The following R3HDM4 variants were observed in gnomAD, a reference collection of about 807,000 sequenced individuals.
The protein encoded by R3HDM4 is R3H domain-containing protein 4.
R3HDM4 carries 30 observed loss-of-function variants against 31.3 expected under a neutral mutation model. That is an observed-to-expected ratio of 0.96 (90% CI 0.72 to 1.30). The LOEUF (loss-of-function observed/expected upper bound fraction) is 1.30. R3HDM4 is among the 50% of genes most tolerant of loss of function. The pLI is 0.00. For synonymous variants in R3HDM4, 196 were observed against 156.6 expected, an observed-to-expected ratio of 1.25 and a Z score of -1.88; for missense variants, 444 against 366.1, an observed-to-expected ratio of 1.21 and a Z score of -1.74.
At chr19:903,110 G>A (rs2036857391) in intron 1 of R3HDM4, among the ~76,000 whole-genome samples, 1 of 152,102 alleles carries the variant, frequency 6.6e-6, no homozygotes, top group Non-Finnish European at 1.5e-5. Flanking sequence ...ACAGCCTTTG[G>A]GACGTGAACA....
chr19:898,265 C>T (rs1599355284), intron 7 of R3HDM4, among the ~76,000 whole-genome samples: 1 of 116,412 alleles, frequency 8.6e-6, no homozygotes, highest in Admixed American at 9.7e-5. Context: ...ATTAGCAGGG[C>T]GTGGTGGCGG....
chr19:911,860 T>A (rs2036974863), intron 1 of R3HDM4, among the ~76,000 whole-genome samples: 1 of 151,728 alleles, frequency 6.6e-6, no homozygotes, highest in Non-Finnish European at 1.5e-5. Context: ...TTGTAGGGAT[T>A]TACCCAAAGG....
At chr19:912,365 CG>C in intron 1 of R3HDM4, among the ~76,000 whole-genome samples, 1 of 6,618 alleles carries the variant, frequency 1.5e-4, no homozygotes. Context: ...GGGGCGGGCC[CG>C]GGAGTGGGGG....
chr19:909,390 C>A (rs1599363430), intron 1 of R3HDM4, among the ~76,000 whole-genome samples: 1 of 152,140 alleles, frequency 6.6e-6, no homozygotes, highest in Non-Finnish European at 1.5e-5. Flanking sequence ...CCCCAGCAGT[C>A]CCCAACCCCC....
At position 900,277 on chromosome 19, in the gene R3HDM4, C is replaced by T. The variant is rs986816861; in HGVS notation, c.476-131G>A. The T allele has an allele frequency of 1.7e-5, 11 of 647,896 alleles. No individual in the cohort carries two copies. In the East Asian group the frequency reaches 3.3e-4, roughly 20 times the overall value. 40.1% of individuals were successfully genotyped at this position (647,896 alleles called of 1,614,324 possible). A position where few individuals can be genotyped will look rare whatever the true frequency, so the allele number is the denominator to read the frequency against. On this transcript the variant is annotated intron_variant, in intron 4 of 7. Transcript: ENST00000361574. ...GCCTCTCCTGCCCACCAAACCACAC[C>T]TTCAACGATACTGTGGCCCCATCCA...
chr19:900,545 C>A (rs2036815383), intron 4 of R3HDM4, among the ~76,000 whole-genome samples: 1 of 151,530 alleles, frequency 6.6e-6, no homozygotes, highest in African/African-American at 2.4e-5. Context: ...CCCCATTGCC[C>A]TGTCCCCATC....
intron 1 of R3HDM4, among the ~76,000 whole-genome samples, chr19:905,486 CA>C (rs1422685045): frequency 4.8e-5 from 6 of 123,884 alleles, no homozygotes; most frequent in South Asian, 2.6e-4. Context: ...GCCTGGGCAA[CA>C]AGAGTGAAAC....
chr19:911,002 T>C lies in R3HDM4; in HGVS notation c.71+2085A>G, dbSNP rs1283531086. ...CGGGCGCGGTGGCGGGCACCTGTAG[T>C]CCCAGCTACTCGGGAGGCTGAGGCA... On this transcript the variant is annotated intron_variant, in intron 1 of 7. Transcript: ENST00000361574. Among the ~76,000 whole-genome samples the C allele has an allele frequency of 7.9e-5, 12 of 151,832 alleles. No individual in the cohort carries two copies. The East Asian group carries it at 2.1e-3, about 27-fold the overall frequency.
intron 1 of R3HDM4, among the ~76,000 whole-genome samples, chr19:910,742 G>T (rs168405): frequency 0.67 from 101,125 of 152,014 alleles, 33,991 homozygotes; most frequent in Non-Finnish European, 0.71. Context: ...AAATCACCTC[G>T]GTAGAGATGG....
At chr19:906,420 G>A (rs568045011) in intron 1 of R3HDM4, among the ~76,000 whole-genome samples, 8 of 151,940 alleles carry the variant, frequency 5.3e-5, no homozygotes, top group South Asian at 2.1e-4. Context: ...GGGGTTTACC[G>A]TGTCAGCCAG....
Position 900,910 on chromosome 19 carries a change from G to A in R3HDM4, c.394C>T (p.Arg132Trp), listed in dbSNP as rs140593425. The change falls in exon 4 of 8, where the codon CGG becomes TGG. Residue 132 changes from arginine (R) to tryptophan (W), a missense_variant. Transcript: ENST00000361574. ...FMNRSGEEQE[R>W]VLRYLEDEGR... ...TCATCCTCCAGGTAGCGAAGAACCC[G>A]CTCCTGCTCCTCCCCGGAGCGGTTC... 7.5e-6 allele frequency: 12 copies of A among 1,601,738 alleles called. No individual in the cohort carries two copies. The highest frequency in any genetic ancestry group is 6.8e-5 in the African/African-American group (5 of 73,968).
chr19:901,114 G>T, intron 3 of R3HDM4, 162 bp from the exon 4 acceptor site: 1 of 964,474 alleles, frequency 1.0e-6, no homozygotes, highest in Non-Finnish European at 1.5e-6. Flanking sequence ...TGAGCTGAGC[G>T]CAGGGAAGCG....
chr19:901,003 T>C, intron 3 of R3HDM4, 51 bp from the exon 4 acceptor site: 1 of 1,509,354 alleles, frequency 6.6e-7, no homozygotes, highest in Non-Finnish European at 8.9e-7. Context: ...GGGGCTGCGC[T>C]GACATCCCCG....
intron 1 of R3HDM4, among the ~76,000 whole-genome samples, chr19:906,345 G>A (rs8106093): frequency 0.017 from 2,618 of 150,980 alleles, 62 homozygotes; most frequent in African/African-American, 0.061. Flanking sequence ...TCAGCCTCCC[G>A]AGTAGCTGGG....
In R3HDM4 at chr19:899,805, G is replaced by A. The variant is rs967369719; in HGVS notation, c.562-119C>T. On this transcript the variant is annotated intron_variant, in intron 5 of 7. Coordinates refer to ENST00000361574, the MANE Select transcript of R3HDM4 (RefSeq NM_138774.4). The surrounding 1 kb of genome is among the most constrained non-coding windows in gnomAD (Gnocchi z 6.8). ...TCAAACATGACCTCTGACCCACCAC[G>A]TGAGGCTGCTTAAGTGTCTCTGAGG... 3.5e-6 allele frequency: 3 copies of A among 853,762 alleles called. No homozygotes were observed. In the South Asian group the frequency reaches 5.4e-5, roughly 15 times the overall value. The allele number at this position is 853,762 out of a possible 1,614,324, so 52.9% of individuals were successfully genotyped here.
chr19:899,914 CCT>C lies in R3HDM4; in HGVS notation c.561+145_561+146del. ...TGCCCGCCTTCGTTGCCCCCGCCCT[CCT>C]ACTCAGGGCCCTGGTGCCGCTGTCT... On this transcript the variant is annotated intron_variant, in intron 5 of 7. Coordinates refer to ENST00000361574, the MANE Select transcript of R3HDM4 (RefSeq NM_138774.4). This position sits in a 1 kb window ranked among gnomAD's most constrained non-coding sequence, Gnocchi z 6.8. The C allele has an allele frequency of 1.1e-6, 1 of 893,404 alleles. No individual in the cohort carries two copies. 55.3% of individuals were successfully genotyped at this position (893,404 alleles called of 1,614,324 possible). A position where few individuals can be genotyped will look rare whatever the true frequency, so the allele number is the denominator to read the frequency against.
intron 2 of R3HDM4, 96 bp downstream of exon 2, chr19:901,880 G>T: frequency 7.0e-7 from 1 of 1,437,498 alleles, no homozygotes; most frequent in South Asian, 1.2e-5. Context: ...CCCCACCCAG[G>T]CACAGCTCAT....
chr19:901,276 G>T, intron 3 of R3HDM4, 146 bp downstream of exon 3: 1 of 913,372 alleles, frequency 1.1e-6, no homozygotes, highest in Non-Finnish European at 1.6e-6. Flanking sequence ...CTGGTCTGGG[G>T]ACCCCGAAGG....
intron 1 of R3HDM4, among the ~76,000 whole-genome samples, chr19:908,295 C>G (rs756513874): frequency 2.0e-5 from 3 of 151,910 alleles, no homozygotes; most frequent in Non-Finnish European, 4.4e-5. Flanking sequence ...ATGGAAGGAA[C>G]AGGAAGACCA....
Sources: allele counts gnomAD v4.1 joint callset (sites outside exome capture counted in the v4.1 genomes callset), GRCh38; gene constraint gnomAD v4.1.1; non-coding constraint Gnocchi (gnomAD v3.1); transcripts MANE v1.5; gene names NCBI Gene and HGNC (gene_info 2026-07-23, HGNC 2026-07-21).